ATP5F1A: variants seen among roughly 807,000 people sequenced by gnomAD.
The protein encoded by ATP5F1A is ATP synthase F1 subunit alpha, also known as ATP synthase F(1) complex subunit alpha, mitochondrial.
ATP5F1A carries 24 observed loss-of-function variants against 57.4 expected under a neutral mutation model. That is an observed-to-expected ratio of 0.42 (90% CI 0.30 to 0.59). The LOEUF (loss-of-function observed/expected upper bound fraction) is 0.59, where lower values mean the gene tolerates loss of function less well. Ranked by LOEUF, ATP5F1A falls within the 20% of genes least tolerant of loss-of-function variation. The probability of loss-of-function intolerance (pLI) is 0.19; values close to 1 mark genes in which losing one functional copy is unlikely to be tolerated. For synonymous variants in ATP5F1A, 251 were observed against 255.5 expected (o/e 0.98, Z 0.17); for missense variants, 494 against 707.9 (o/e 0.70, Z 3.43).
chr18:46,101,807 A>G (rs1190850358), upstream of ATP5F1A, among the ~76,000 whole-genome samples: 2 of 150,278 alleles, frequency 1.3e-5, no homozygotes, highest in African/African-American at 4.9e-5. Context: ...CACGAGAATC[A>G]CTTAAACCTG....
At chr18:46,095,758 A>C (rs2144214431) in intron 1 of ATP5F1A, among the ~76,000 whole-genome samples, 1 of 152,142 alleles carries the variant, frequency 6.6e-6, no homozygotes, top group Admixed American at 6.6e-5. Flanking sequence ...GTGGGATCAC[A>C]GGAGTGCGCC....
chr18:46,089,239 T>C (rs1005024610), intron 5 of ATP5F1A, among the ~76,000 whole-genome samples: 55 of 152,368 alleles, frequency 3.6e-4, no homozygotes, highest in African/African-American at 1.3e-3. Context: ...ATTTATTTTC[T>C]CAGTCTCTCA....
intron 2 of ATP5F1A, among the ~76,000 whole-genome samples, chr18:46,094,164 T>TACACACAC (rs71938962): frequency 4.7e-5 from 7 of 149,040 alleles, no homozygotes; most frequent in African/African-American, 7.4e-5. Context: ...TGTGTACACA[T>TACACACAC]ACACACACAC....
At chr18:46,087,794 C>T (rs1599773017) in intron 6 of ATP5F1A, 2 of 430,126 alleles carry the variant, frequency 4.6e-6, no homozygotes, top group South Asian at 5.7e-5. Context: ...ACAGGAGAAT[C>T]GCTTGAACCC....
Position 46,087,732 on chromosome 18 carries a change from T to C in ATP5F1A, c.800-240A>G. 4 of 473,442 alleles carry C rather than the reference T, an allele frequency of 8.4e-6. No homozygotes were observed. The South Asian group carries it at 1.0e-4, about 12-fold the overall frequency. 29.3% of individuals were successfully genotyped at this position (473,442 alleles called of 1,614,324 possible). ...CCGTCTCTACTAAAAATACAAAAATTAGCCGGACGTGGTGGCATGCACCTG... is the reference window on the plus strand; with the variant it reads ...CCGTCTCTACTAAAAATACAAAAATCAGCCGGACGTGGTGGCATGCACCTG... On this transcript the variant is annotated intron_variant, in intron 6 of 11. Coordinates refer to ENST00000398752, the MANE Select transcript of ATP5F1A (RefSeq NM_004046.6).
intron 5 of ATP5F1A, among the ~76,000 whole-genome samples, chr18:46,089,011 T>C (rs1310795044): frequency 6.6e-6 from 1 of 151,910 alleles, no homozygotes; most frequent in African/African-American, 2.4e-5. Context: ...TCCTTAAACT[T>C]ATTTATGACA....
chr18:46,087,449 A>T lies in ATP5F1A; in HGVS notation c.843T>A (p.Asp281Glu), dbSNP rs1440876697. ...YTIVVSATASDAAPLQYLAPY... is the reference protein window; with the variant it reads ...YTIVVSATASEAAPLQYLAPY... ...GAGCCAGGTACTGAAGTGGGGCAGC[A>T]TCCGAGGCCGTAGCCGACACCACAA... Residue 281 changes from aspartate to glutamate, a missense_variant, in exon 7 of 12, where the codon GAT becomes GAA. This residue lies in a region of ATP5F1A where 191 missense variants were observed against 267.7 expected (regional missense o/e 0.71). Transcript: ENST00000398752. 6.2e-7 allele frequency: 1 copy of T among 1,614,136 alleles called. No individual in the cohort carries two copies. The highest frequency in any genetic ancestry group is 8.5e-7 in the Non-Finnish European group (1 of 1,180,048).
At position 46,084,754 on chromosome 18, in the gene ATP5F1A, G is replaced by A. The variant is rs200501560; in HGVS notation, c.1430-100C>T. 2.4e-6 allele frequency: 3 copies of A among 1,251,630 alleles called. No individual in the cohort carries two copies. The African/African-American group carries it at 4.7e-5, about 19-fold the overall frequency. 77.5% of individuals were successfully genotyped at this position (1,251,630 alleles called of 1,614,324 possible). A position where few individuals can be genotyped will look rare whatever the true frequency, so the allele number is the denominator to read the frequency against. On this transcript the variant is annotated intron_variant, in intron 10 of 11. Coordinates refer to ENST00000398752, the MANE Select transcript of ATP5F1A (RefSeq NM_004046.6). ...TTACTTTTTCTCCAATTCCTAACAT[G>A]TCCCTGTAAATTATCTATTCTTCAC...
intron 1 of ATP5F1A, among the ~76,000 whole-genome samples, chr18:46,095,654 T>C (rs1261862273): frequency 1.3e-5 from 2 of 151,766 alleles, no homozygotes; most frequent in Non-Finnish European, 2.9e-5. Flanking sequence ...CTCACTCTTG[T>C]CACCCAGGTC....
chr18:46,084,595 C>G lies in ATP5F1A; in HGVS notation c.1489G>C (p.Asp497His). 1 of 1,612,554 alleles carries G rather than the reference C, an allele frequency of 6.2e-7. No homozygotes were observed. The highest frequency in any genetic ancestry group is 8.5e-7 in the Non-Finnish European group (1 of 1,179,688). ...GTAATCTTGCTGGGCTCCAGTTTAT[C>G]AAGATATCCCCTTACACCCGCATAG... Reference protein sequence around the residue: ...VIYAGVRGYLDKLEPSKITKF... With the variant: ...VIYAGVRGYLHKLEPSKITKF... Residue 497 changes from aspartate to histidine, a missense_variant, in exon 11 of 12, where the codon GAT becomes CAT. By Grantham distance (81) the Asp-to-His change is moderately conservative. Coordinates refer to ENST00000398752, the MANE Select transcript of ATP5F1A (RefSeq NM_004046.6).
upstream of ATP5F1A, among the ~76,000 whole-genome samples, chr18:46,100,251 TA>T (rs34683117): frequency 0.029 from 1,977 of 68,632 alleles, 46 homozygotes; most frequent in African/African-American, 0.098. Context: ...AAACTCCATC[TA>T]AAAAAAAAAA....
At chr18:46,098,311 A>G, upstream of ATP5F1A, 1 of 1,511,858 alleles carries the variant, frequency 6.6e-7, no homozygotes, top group Non-Finnish European at 8.9e-7. Context: ...AGCCGCAAAG[A>G]AGGTCAAGAC....
chr18:46,095,992 G>A (rs1435622658), intron 1 of ATP5F1A, among the ~76,000 whole-genome samples: 2 of 151,790 alleles, frequency 1.3e-5, no homozygotes, highest in Non-Finnish European at 2.9e-5. Context: ...AGGTTCAAGC[G>A]ATTCTCATGC....
At position 46,091,831 on chromosome 18, in the gene ATP5F1A, T is replaced by C. The variant is rs573547727; in HGVS notation, c.160A>G (p.Ile54Val). 2.0e-5 allele frequency: 33 copies of C among 1,612,972 alleles called. No homozygotes were observed. The highest frequency in any genetic ancestry group is 6.7e-5 in the East Asian group (3 of 44,866). The change falls in exon 3 of 12, where the codon ATT (isoleucine) becomes GTT (valine). Residue 54 changes from isoleucine (I) to valine (V), a missense_variant. Around this residue, in one of 6 missense-constraint regions of ATP5F1A, gnomAD observed 142 missense variants for 137.5 expected, o/e 1.03. Coordinates refer to ENST00000398752, the MANE Select transcript of ATP5F1A (RefSeq NM_004046.6). ...QKTGTAEMSS[I>V]LEERILGADT... ...GCTCCAAGAATACGCTCTTCAAGAA[T>C]AGAGGACATCTCAGCAGTCCCTATG...
At chr18:46,094,737 GA>G in intron 2 of ATP5F1A, 1 of 213,432 alleles carries the variant, frequency 4.7e-6, no homozygotes, top group Non-Finnish European at 9.1e-6. Context: ...TTTAGAAAAG[GA>G]AAAAGGAAGT....
In ATP5F1A at chr18:46,087,487, T is replaced by C. The variant is rs747298024; in HGVS notation, c.805A>G (p.Met269Val). 1.3e-5 allele frequency: 21 copies of C among 1,612,020 alleles called. No individual in the cohort carries two copies. The highest frequency in any genetic ancestry group is 1.6e-5 in the Non-Finnish European group (19 of 1,179,632). The change falls in exon 7 of 12, where the codon ATG (methionine) becomes GTG (valine). Residue 269 changes from methionine (M) to valine (V), a missense_variant. Coordinates refer to ENST00000398752, the MANE Select transcript of ATP5F1A (RefSeq NM_004046.6). ...LVKRLTDADA[M>V]KYTIVVSATA... is the part of the protein sequence containing the mutation. ...GCCGACACCACAATGGTGTACTTCA[T>C]GGCATCTGAGAAAATATATTTTACA...
intron 10 of ATP5F1A, 141 bp downstream of exon 10, chr18:46,085,972 G>T: frequency 2.2e-6 from 2 of 908,442 alleles, no homozygotes; most frequent in Non-Finnish European, 3.2e-6. Flanking sequence ...AACAAATGTA[G>T]TTTAAGTAAA....
intron 1 of ATP5F1A, among the ~76,000 whole-genome samples, chr18:46,095,491 A>G (rs1442374497): frequency 1.3e-5 from 2 of 150,876 alleles, no homozygotes; most frequent in Non-Finnish European, 3.0e-5. Flanking sequence ...AATTTTTTAT[A>G]TTTTTAGTAG....
chr18:46,088,495 T>C (rs976978286), intron 5 of ATP5F1A: 2 of 351,946 alleles, frequency 5.7e-6, no homozygotes, highest in African/African-American at 4.3e-5. Flanking sequence ...GTTTAACGGA[T>C]TTAGGGCTGT....
Sources: gnomAD v4.1 joint callset for allele counts (sites outside exome capture counted in the v4.1 genomes callset) on GRCh38, gnomAD v4.1.1 for gene constraint, gnomAD v4.1.1 regional missense constraint, MANE v1.5 for transcripts, NCBI Gene and HGNC (gene_info 2026-07-23, HGNC 2026-07-21) for gene names.